CHRM3: variants seen among roughly 807,000 people sequenced by gnomAD.
The protein encoded by CHRM3 is cholinergic receptor muscarinic 3.
A neutral mutation model predicts 41.8 loss-of-function variants in CHRM3; 11 were observed. That is an observed-to-expected ratio of 0.26 (90% confidence interval 0.17 to 0.44). The LOEUF is 0.44. Among genes scored for constraint, CHRM3 ranks in the 20% least tolerant of loss-of-function variants. The probability of loss-of-function intolerance (pLI) is 1.00; values close to 1 mark genes in which losing one functional copy is unlikely to be tolerated. For synonymous variants in CHRM3, 297 were observed against 301.4 expected (o/e 0.99, Z 0.15); for missense variants, 571 against 745.4 (o/e 0.77, Z 2.72).
chr1:239,493,999 C>T (rs1318043484), intron 2 of CHRM3, among the ~76,000 whole-genome samples: 1 of 152,160 alleles, frequency 6.6e-6, no homozygotes, highest in African/African-American at 2.4e-5. Flanking sequence ...GGCTAACTCA[C>T]AGGCAATGTG....
chr1:239,448,021 A>G (rs892320990), intron 1 of CHRM3, among the ~76,000 whole-genome samples: 1 of 152,206 alleles, frequency 6.6e-6, no homozygotes, highest in African/African-American at 2.4e-5. Context: ...TCAGACAGAC[A>G]TGGATTCCAG....
intron 1 of CHRM3, among the ~76,000 whole-genome samples, chr1:239,457,955 T>C (rs1227003118): frequency 6.6e-6 from 1 of 152,126 alleles, no homozygotes; most frequent in East Asian, 1.9e-4. Context: ...TTGTTTCTTA[T>C]GGGAAGGTAG....
rs888330885 is a variant in CHRM3 at position 239,914,008 on chromosome 1, C to T, written c.*4784C>T. On this transcript the variant is annotated 3_prime_UTR_variant, in exon 7 of 7. Transcript: ENST00000676153. ...TCATCTAGAGAATCAAAGGGGCTCA[C>T]ATCTCAGTTGCATTCTATTTAAAAG... The T allele has an allele frequency of 1.2e-5, 2 of 166,930 alleles. No individual in the cohort carries two copies. Among genetic ancestry groups the T allele is most frequent in the African/African-American group, 4.8e-5 (2 of 41,398 alleles). 10.3% of individuals were successfully genotyped at this position (166,930 alleles called of 1,614,324 possible). A position where few individuals can be genotyped will look rare whatever the true frequency, so the allele number is the denominator to read the frequency against.
intron 1 of CHRM3, among the ~76,000 whole-genome samples, chr1:239,484,313 T>A (rs1017427888): frequency 3.9e-5 from 6 of 152,078 alleles, no homozygotes; most frequent in African/African-American, 1.4e-4. Context: ...GGTGCCATAC[T>A]CTTTTAAACA....
chr1:239,591,199 T>C (rs1055422421), intron 3 of CHRM3, among the ~76,000 whole-genome samples: 1 of 152,214 alleles, frequency 6.6e-6, no homozygotes, highest in Non-Finnish European at 1.5e-5. Flanking sequence ...CTCATTGTAG[T>C]TGGTGACAAT....
At chr1:239,794,639 G>A (rs912094879) in intron 5 of CHRM3, among the ~76,000 whole-genome samples, 8 of 152,050 alleles carry the variant, frequency 5.3e-5, no homozygotes, top group Non-Finnish European at 8.8e-5. Context: ...TGGGAATTGA[G>A]CTATACAAAT....
chr1:239,809,790 T>C (rs1670974171), intron 5 of CHRM3, among the ~76,000 whole-genome samples: 1 of 152,194 alleles, frequency 6.6e-6, no homozygotes, highest in Admixed American at 6.5e-5. Flanking sequence ...TGAGCCACCA[T>C]GCCTGGCCTA....
At chr1:239,662,884 TTCC>T (rs879733766) in intron 4 of CHRM3, among the ~76,000 whole-genome samples, 7 of 119,484 alleles carry the variant, frequency 5.9e-5, no homozygotes, top group African/African-American at 2.3e-4. Flanking sequence ...CTTTCTCCTC[TTCC>T]TCCTCCTCTT....
chr1:239,734,923 A>G (rs993915129), intron 5 of CHRM3, among the ~76,000 whole-genome samples: 1 of 152,102 alleles, frequency 6.6e-6, no homozygotes, highest in Admixed American at 6.6e-5. Context: ...TATGTTGGAA[A>G]TTTTCCATTA....
At chr1:239,640,137 CT>C (rs1347538851) in intron 4 of CHRM3, among the ~76,000 whole-genome samples, 2 of 151,122 alleles carry the variant, frequency 1.3e-5, no homozygotes, top group Non-Finnish European at 3.0e-5. Context: ...GGTGGATAAG[CT>C]TTTTGATGTG....
chr1:239,665,911 C>G (rs1051402631), intron 4 of CHRM3, among the ~76,000 whole-genome samples: 13 of 152,304 alleles, frequency 8.5e-5, no homozygotes, highest in African/African-American at 2.9e-4. Flanking sequence ...TTTATCCAAT[C>G]TATCAATGAT....
At chr1:239,753,432 G>C (rs1354014616) in intron 5 of CHRM3, among the ~76,000 whole-genome samples, 3 of 152,162 alleles carry the variant, frequency 2.0e-5, no homozygotes, top group African/African-American at 7.2e-5. Context: ...AATCATGGCA[G>C]AAGGTGAAGG....
chr1:239,570,481 G>C (rs999588651), intron 3 of CHRM3, among the ~76,000 whole-genome samples: 2 of 152,172 alleles, frequency 1.3e-5, no homozygotes, highest in Non-Finnish European at 2.9e-5. Flanking sequence ...AAGTAGTAGA[G>C]CTGTGATAGA....
chr1:239,415,507 T>A (rs982835043), intron 1 of CHRM3, among the ~76,000 whole-genome samples: 1 of 152,014 alleles, frequency 6.6e-6, no homozygotes, highest in African/African-American at 2.4e-5. Context: ...ATAAATTAAG[T>A]CCAGAATAAA....
intron 3 of CHRM3, among the ~76,000 whole-genome samples, chr1:239,567,399 A>T (rs1661456907): frequency 6.6e-6 from 1 of 152,064 alleles, no homozygotes; most frequent in Non-Finnish European, 1.5e-5. Flanking sequence ...ATCCTATGTG[A>T]TGCAGTTAAC....
At chr1:239,555,692 A>T (rs1418020857) in intron 3 of CHRM3, among the ~76,000 whole-genome samples, 3 of 152,312 alleles carry the variant, frequency 2.0e-5, no homozygotes, top group Middle Eastern at 3.4e-3. Context: ...TATAAATATG[A>T]TTAAAGAACT....
rs149300282 is a variant in CHRM3, at chr1:239,820,984, A to G, written c.-146-6268A>G. 2.4e-3 allele frequency among the ~76,000 whole-genome samples: 368 copies of G among 152,250 alleles called. 2 individuals carry two copies. The highest frequency in any genetic ancestry group is 8.4e-3 in the African/African-American group (350 of 41,536). On this transcript the variant is annotated intron_variant, in intron 5 of 6. Coordinates refer to ENST00000676153, the MANE Select transcript of CHRM3 (RefSeq NM_001375978.1). The stretch of plus-strand genomic sequence containing the variant: ...ATTTCTTTTTCTTCTCTCCTTGCTT[A>G]TCTTTCTCTTACACTGACAAAAAGA...
chr1:239,670,948 G>A (rs1257648574), intron 4 of CHRM3, among the ~76,000 whole-genome samples: 1 of 152,122 alleles, frequency 6.6e-6, no homozygotes, highest in African/African-American at 2.4e-5. Flanking sequence ...TATTAAATAT[G>A]TGTTTAGCTA....
chr1:239,811,954 A>G (rs904427962), intron 5 of CHRM3, among the ~76,000 whole-genome samples: 1 of 152,252 alleles, frequency 6.6e-6, no homozygotes, highest in Non-Finnish European at 1.5e-5. Context: ...AAAAAGGCAG[A>G]AGGCATAAGT....
Sources: gnomAD v4.1 joint callset for allele counts (sites outside exome capture counted in the v4.1 genomes callset) on GRCh38, gnomAD v4.1.1 for gene constraint, MANE v1.5 for transcripts, NCBI Gene and HGNC (gene_info 2026-07-23, HGNC 2026-07-21) for gene names.